CEP70: variants seen among roughly 807,000 people sequenced by gnomAD.
The protein encoded by CEP70 is centrosomal protein of 70 kDa.
CEP70 carries 70 observed loss-of-function variants against 90.9 expected under a neutral mutation model. The observed-to-expected ratio is 0.77, with a 90% CI of 0.64 to 0.94. The LOEUF is 0.94. Ranked by LOEUF, CEP70 falls within the 40% of genes least tolerant of loss-of-function variation. CEP70 has a pLI of 0.00. For missense variants in CEP70, 648 were observed against 669.0 expected, an observed-to-expected ratio of 0.97 and a Z score of 0.35; for synonymous variants, 220 against 228.3, an observed-to-expected ratio of 0.96 and a Z score of 0.33.
rs539673165 is a variant in CEP70, at chr3:138,530,541, T to C, written c.693-1079A>G. The C allele has an allele frequency of 1.8e-4, 181 of 978,946 alleles. 1 individual carries two copies. The African/African-American group carries it at 3.0e-3, about 16-fold the overall frequency. 60.6% of individuals were successfully genotyped at this position (978,946 alleles called of 1,614,324 possible). On this transcript the variant is annotated intron_variant, in intron 8 of 17. Coordinates refer to ENST00000264982, the MANE Select transcript of CEP70 (RefSeq NM_024491.4). ...AACAACAAAAAACTTCGGACAACAC[T>C]GGCCTTAAAAAAATGGACAAGCAGA...
intron 6 of CEP70, among the ~76,000 whole-genome samples, chr3:138,537,802 G>T (rs1023633266): frequency 6.6e-6 from 1 of 151,934 alleles, no homozygotes; most frequent in African/African-American, 2.4e-5. Flanking sequence ...AAATAATCAG[G>T]GAGAAAGACA....
In CEP70 at chr3:138,494,606, C is replaced by T. The variant is rs1415092898; in HGVS notation, c.*409G>A. ...TTAATCCTTGCCAGGAGAGCAGTAG[C>T]TTCCTACTGGCTAAATTTAGAGAGC... On this transcript the variant is annotated 3_prime_UTR_variant, in exon 18 of 18. Transcript: ENST00000264982. 1.7e-4 allele frequency: 27 copies of T among 155,834 alleles called. No homozygotes were observed. In the Admixed American group the frequency reaches 1.8e-3, roughly 10 times the overall value. The allele number at this position is 155,834 out of a possible 1,614,324, so 9.7% of individuals were successfully genotyped here.
In CEP70 at chr3:138,498,237, TAC is replaced by T. The variant is rs1427028025; in HGVS notation, c.1653-129_1653-128del. 6 of 621,920 alleles carry T rather than the reference TAC, an allele frequency of 9.6e-6. No homozygotes were observed. The East Asian group carries it at 1.2e-4, about 13-fold the overall frequency. The allele number at this position is 621,920 out of a possible 1,614,324, so 38.5% of individuals were successfully genotyped here. A position where few individuals can be genotyped will look rare whatever the true frequency, so the allele number is the denominator to read the frequency against. ...AAATATAAACTTAATGATCATTTACTACAGTCTTTTCTTTCTGAGCTTTTTGT... is the reference window on the plus strand; with the variant it reads ...AAATATAAACTTAATGATCATTTACTAGTCTTTTCTTTCTGAGCTTTTTGT... On this transcript the variant is annotated intron_variant, in intron 16 of 17. Transcript: ENST00000264982.
Position 138,500,137 on chromosome 3 carries a change from T to G in CEP70, c.1625A>C (p.Gln542Pro), listed in dbSNP as rs1158151735. 8.7e-6 allele frequency: 14 copies of G among 1,612,796 alleles called. No individual in the cohort carries two copies. Among genetic ancestry groups the G allele is most frequent in the African/African-American group, 2.7e-5 (2 of 74,884 alleles). The change falls in exon 16 of 18, where the codon CAG (glutamine) becomes CCG (proline). Residue 542 changes from glutamine to proline, a missense_variant. Transcript: ENST00000264982. ...INEDVNEQVM[Q>P]VLGPEDLQSI... ...CTGGAGGTCTTCAGGTCCTAATACCTGCATAACCTGCTCATTCACATCTTC... is the reference window on the plus strand; with the variant it reads ...CTGGAGGTCTTCAGGTCCTAATACCGGCATAACCTGCTCATTCACATCTTC...
At chr3:138,548,858 G>A (rs186870293) in intron 6 of CEP70, among the ~76,000 whole-genome samples, 6 of 152,318 alleles carry the variant, frequency 3.9e-5, no homozygotes, top group East Asian at 3.9e-4. Context: ...CAGGACCTAG[G>A]AGACACCCCA....
chr3:138,537,290 A>T lies in CEP70; in HGVS notation c.523T>A (p.Leu175Met). Residue 175 changes from leucine (L) to methionine (M), a missense_variant, in exon 7 of 18, where the codon TTG becomes ATG. Transcript: ENST00000264982. ...TTTAATCTACAGACTTCCATTTGCA[A>T]AGAAGCAATAGTTTCTTCTTGCTCC... is the stretch of plus-strand genomic sequence containing the variant. ...RTEQEETIAS[L>M]QMEVCRLKKE... The T allele has an allele frequency of 6.2e-7, 1 of 1,608,990 alleles. No individual in the cohort carries two copies. The highest frequency in any genetic ancestry group is 8.5e-7 in the Non-Finnish European group (1 of 1,177,962).
chr3:138,505,263 T>C (rs1468265810), intron 13 of CEP70, 32 bp downstream of exon 13: 2 of 1,531,932 alleles, frequency 1.3e-6, no homozygotes, highest in Non-Finnish European at 1.8e-6. Context: ...CCAATAGATG[T>C]TCAAAGCATA....
intron 13 of CEP70, 72 bp downstream of exon 13, chr3:138,505,223 A>G: frequency 8.5e-7 from 1 of 1,182,990 alleles, no homozygotes; most frequent in Non-Finnish European, 1.1e-6. Flanking sequence ...TTAGCCCTGA[A>G]TTAAGTCCTA....
intron 6 of CEP70, among the ~76,000 whole-genome samples, chr3:138,553,582 G>A (rs532457314): frequency 3.8e-4 from 58 of 151,130 alleles, no homozygotes; most frequent in African/African-American, 1.3e-3. Context: ...TATTCCAAAA[G>A]ACAGAGAAAG....
At chr3:138,549,587 ACG>A (rs1235993178) in intron 6 of CEP70, among the ~76,000 whole-genome samples, 2 of 152,088 alleles carry the variant, frequency 1.3e-5, no homozygotes, top group East Asian at 3.9e-4. Flanking sequence ...GAGCTCAGAC[ACG>A]CCTAACCCTG....
intron 6 of CEP70, among the ~76,000 whole-genome samples, chr3:138,557,476 G>T (rs961117715): frequency 2.6e-5 from 4 of 152,200 alleles, no homozygotes; most frequent in African/African-American, 9.7e-5. Context: ...CACAATTTAT[G>T]TTCAGAGACT....
chr3:138,578,583 G>T (rs1560452916), intron 2 of CEP70, among the ~76,000 whole-genome samples: 2 of 152,124 alleles, frequency 1.3e-5, no homozygotes, highest in Non-Finnish European at 2.9e-5. Context: ...ATAGGGATAA[G>T]AGAGAAGGGA....
chr3:138,590,349 T>C (rs2042318813), intron 2 of CEP70, among the ~76,000 whole-genome samples: 2 of 152,132 alleles, frequency 1.3e-5, no homozygotes, highest in Non-Finnish European at 2.9e-5. Flanking sequence ...AGACTGGAAG[T>C]AGAATACATT....
chr3:138,497,183 G>A (rs1025758724), intron 17 of CEP70: 1 of 1,191,262 alleles, frequency 8.4e-7, no homozygotes, highest in East Asian at 6.4e-5. Flanking sequence ...ACATAAGACT[G>A]GTCACAAAAC....
rs770041827 is a variant in CEP70 at position 138,498,011 on chromosome 3, A to T, written c.1732+20T>A. Reference sequence around the variant, plus strand: ...ACATTTTAAGACTCAAAATTTCACCATCACCACCAGAGATCTTACCTAAGA... The same window carrying T: ...ACATTTTAAGACTCAAAATTTCACCTTCACCACCAGAGATCTTACCTAAGA... On this transcript the variant is annotated intron_variant, in intron 17 of 17. Transcript: ENST00000264982. The T allele has an allele frequency of 4.3e-6, 7 of 1,611,476 alleles. No individual in the cohort carries two copies. In the South Asian group the frequency reaches 7.7e-5, roughly 18 times the overall value.
intron 2 of CEP70, among the ~76,000 whole-genome samples, chr3:138,585,279 T>C (rs979386833): frequency 2.0e-5 from 3 of 152,080 alleles, no homozygotes; most frequent in African/African-American, 7.2e-5. Flanking sequence ...ATCAAAACAG[T>C]AATCCCATTT....
rs902525337 is a variant in CEP70, at chr3:138,563,470, A to G, written c.465+6848T>C. On this transcript the variant is annotated intron_variant, in intron 6 of 17. Coordinates refer to ENST00000264982, the MANE Select transcript of CEP70 (RefSeq NM_024491.4). ...AAGTAAAACACTCCTCAGCAAATGC[A>G]AAAGAACAGAAATCATAACAAACAG... 3.9e-5 allele frequency among the ~76,000 whole-genome samples: 6 copies of G among 152,342 alleles called. No individual in the cohort carries two copies. The South Asian group carries it at 1.0e-3, about 26-fold the overall frequency.
intron 2 of CEP70, 34 bp from the exon 3 acceptor site, chr3:138,572,966 AT>A: frequency 6.6e-7 from 1 of 1,515,864 alleles, no homozygotes; most frequent in Non-Finnish European, 9.0e-7. Flanking sequence ...GAAATTGGCA[AT>A]TAAAAAATTT....
chr3:138,512,241 C>T (rs540283220), intron 11 of CEP70, among the ~76,000 whole-genome samples: 1 of 152,102 alleles, frequency 6.6e-6, no homozygotes, highest in Admixed American at 6.6e-5. Context: ...AGGGAAGGAG[C>T]CCAGGGTACT....
Sources: allele counts gnomAD v4.1 joint callset (sites outside exome capture counted in the v4.1 genomes callset), GRCh38; gene constraint gnomAD v4.1.1; transcripts MANE v1.5; gene names NCBI Gene and HGNC (gene_info 2026-07-23, HGNC 2026-07-21).